Variants in ZC3H12D observed in about 807,000 individuals in gnomAD.
The protein encoded by ZC3H12D is probable ribonuclease ZC3H12D.
Under a neutral mutation model 24.2 loss-of-function variants are expected in ZC3H12D, and 11 were observed. The ratio of observed to expected loss-of-function variants is 0.46; its 90% CI spans 0.29 to 0.75. The LOEUF (loss-of-function observed/expected upper bound fraction) is 0.75, where lower values mean the gene tolerates loss of function less well. ZC3H12D is among the 30% of genes least tolerant of loss of function. The pLI, the probability that ZC3H12D is intolerant of heterozygous loss-of-function variation, is 0.11. For missense variants in ZC3H12D, 740 were observed against 767.7 expected, an observed-to-expected ratio of 0.96 and a Z score of 0.43; for synonymous variants, 333 against 341.8, an observed-to-expected ratio of 0.97 and a Z score of 0.28.
rs143099780 is a variant in ZC3H12D at position 149,471,912 on chromosome 6, C to A, written c.305+2327G>T. On this transcript the variant is annotated intron_variant, in intron 2 of 5. Transcript: ENST00000409806. The stretch of plus-strand genomic sequence containing the variant: ...CCGCAAGGCCAGACAGTGCATGAAG[C>A]AGTACTGCCTTCAAAAACAGAAAAT... Among the ~76,000 whole-genome samples the A allele has an allele frequency of 1.6e-4, 24 of 152,366 alleles. No homozygotes were observed. In the East Asian group the frequency reaches 4.6e-3, roughly 29 times the overall value.
intron 1 of ZC3H12D, among the ~76,000 whole-genome samples, chr6:149,480,895 C>G (rs936585712): frequency 5.3e-5 from 8 of 151,884 alleles, no homozygotes; most frequent in Non-Finnish European, 1.0e-4. Context: ...CACTCCACGC[C>G]ATCATCACAG....
At chr6:149,483,962 T>C (rs1776463059) in intron 1 of ZC3H12D, among the ~76,000 whole-genome samples, 1 of 152,228 alleles carries the variant, frequency 6.6e-6, no homozygotes, top group South Asian at 2.1e-4. Context: ...TCTGGGCCTC[T>C]GTGAACGATG....
At chr6:149,480,875 G>A (rs536343724) in intron 1 of ZC3H12D, among the ~76,000 whole-genome samples, 1 of 148,892 alleles carries the variant, frequency 6.7e-6, no homozygotes, top group South Asian at 2.6e-4. Context: ...TGCGAAGAAG[G>A]GCCGTGTCAC....
chr6:149,450,515 A>G lies in ZC3H12D; in HGVS notation c.*168T>C. 2 of 693,812 alleles carry G rather than the reference A, an allele frequency of 2.9e-6. No homozygotes were observed. Among genetic ancestry groups the G allele is most frequent in the Non-Finnish European group, 4.5e-6 (2 of 442,794 alleles). The allele number at this position is 693,812 out of a possible 1,614,324, so 43.0% of individuals were successfully genotyped here. ...TCAGTGAGGATCACCAAGTGCCACCAGGCCCCCACAACCCCGCTCAGGAGG... is the reference window on the plus strand; with the variant it reads ...TCAGTGAGGATCACCAAGTGCCACCGGGCCCCCACAACCCCGCTCAGGAGG... On this transcript the variant is annotated 3_prime_UTR_variant, in exon 6 of 6. Transcript: ENST00000409806.
Position 149,452,428 on chromosome 6 carries a change from C to T in ZC3H12D, c.787+188G>A, listed in dbSNP as rs1326905299. 2.2e-5 allele frequency: 11 copies of T among 489,044 alleles called. No individual in the cohort carries two copies. Among genetic ancestry groups the T allele is most frequent in the Non-Finnish European group, 3.9e-5 (11 of 284,566 alleles). 30.3% of individuals were successfully genotyped at this position (489,044 alleles called of 1,614,324 possible). On this transcript the variant is annotated intron_variant, in intron 5 of 5. Coordinates refer to ENST00000409806, the MANE Select transcript of ZC3H12D (RefSeq NM_207360.3). The surrounding 1 kb of genome is among the most constrained non-coding windows in gnomAD (Gnocchi z 4.0). ...GGGATCCTGGCTCCCATGAAATCACCGGCCAGGATGTCAGTTCTACAATAA... is the reference window on the plus strand; with the variant it reads ...GGGATCCTGGCTCCCATGAAATCACTGGCCAGGATGTCAGTTCTACAATAA...
At chr6:149,465,353 C>T (rs76001882) in intron 2 of ZC3H12D, among the ~76,000 whole-genome samples, 1 of 126,058 alleles carries the variant, frequency 7.9e-6, no homozygotes, top group Non-Finnish European at 1.7e-5. Flanking sequence ...GACTCTGTCT[C>T]AAAAAAAAAA....
chr6:149,463,232 G>A (rs564883257), intron 2 of ZC3H12D, among the ~76,000 whole-genome samples: 2 of 152,156 alleles, frequency 1.3e-5, no homozygotes, highest in South Asian at 4.1e-4. Context: ...AAGCAAGGAG[G>A]GCAATGCCCT....
In ZC3H12D at chr6:149,456,904, A is replaced by G; in HGVS notation, c.446-4T>C. The G allele has an allele frequency of 1.3e-6, 2 of 1,593,276 alleles. No homozygotes were observed. Among genetic ancestry groups the G allele is most frequent in the Non-Finnish European group, 1.7e-6 (2 of 1,173,310 alleles). On this transcript the variant is annotated splice_region_variant and splice_polypyrimidine_tract_variant and intron_variant, in intron 3 of 5. Coordinates refer to ENST00000409806, the MANE Select transcript of ZC3H12D (RefSeq NM_207360.3). This position sits in a 1 kb window ranked among gnomAD's most constrained non-coding sequence, Gnocchi z 4.3. ...AGCTCCGCCAGCACGTGCTGCTCTG[A>G]GGGCGGGGCGACGGAGACGCGGGTG...
rs956560408 is a variant in ZC3H12D, at chr6:149,452,366, T to C, written c.787+250A>G. 3.4e-5 allele frequency: 14 copies of C among 414,176 alleles called. No individual in the cohort carries two copies. The highest frequency in any genetic ancestry group is 4.7e-5 in the Non-Finnish European group (11 of 234,572). The allele number at this position is 414,176 out of a possible 1,614,324, so 25.7% of individuals were successfully genotyped here. A position where few individuals can be genotyped will look rare whatever the true frequency, so the allele number is the denominator to read the frequency against. ...GGCTCCCGGCTTCTCAGACACAGCT[T>C]TGCTGTGTGCATGACCCCTGCATCC... On this transcript the variant is annotated intron_variant, in intron 5 of 5. Coordinates refer to ENST00000409806, the MANE Select transcript of ZC3H12D (RefSeq NM_207360.3). The surrounding 1 kb of genome is among the most constrained non-coding windows in gnomAD (Gnocchi z 4.0).
intron 2 of ZC3H12D, among the ~76,000 whole-genome samples, chr6:149,462,708 G>C (rs959636964): frequency 2.6e-5 from 4 of 152,206 alleles, no homozygotes; most frequent in African/African-American, 9.6e-5. Flanking sequence ...AACAAAACAG[G>C]CAGAAGAAAG....
chr6:149,470,457 C>T (rs1208275964), intron 2 of ZC3H12D, among the ~76,000 whole-genome samples: 1 of 151,960 alleles, frequency 6.6e-6, no homozygotes, highest in Non-Finnish European at 1.5e-5. Context: ...ATCAACTGAA[C>T]CCGGGAAGTG....
chr6:149,455,954 T>A lies in ZC3H12D; in HGVS notation c.680+712A>T, dbSNP rs1247486542. 3.1e-3 allele frequency among the ~76,000 whole-genome samples: 439 copies of A among 141,918 alleles called. 3 individuals are homozygous for A. Among genetic ancestry groups the A allele is most frequent in the African/African-American group, 0.011 (409 of 38,488 alleles). The allele number at this position is 141,918 out of a possible 152,430, so 93.1% of individuals were successfully genotyped here. On this transcript the variant is annotated intron_variant, in intron 4 of 5. Transcript: ENST00000409806. ...CCATATGTAATTCAAAATTTTGATT[T>A]AAAAAAAAAAAAAAGACAGCCAGGC...
intron 2 of ZC3H12D, among the ~76,000 whole-genome samples, chr6:149,471,769 A>G (rs997499630): frequency 6.6e-6 from 1 of 152,244 alleles, no homozygotes; most frequent in Admixed American, 6.5e-5. Context: ...CAGGGGACAG[A>G]GCCACAGCCA....
At chr6:149,458,551 G>T (rs1404012429) in intron 3 of ZC3H12D, among the ~76,000 whole-genome samples, 1 of 152,160 alleles carries the variant, frequency 6.6e-6, no homozygotes, top group Non-Finnish European at 1.5e-5. Context: ...GTTTGGTTGT[G>T]CCATATGTTC....
At chr6:149,454,263 T>C (rs1387859835) in intron 4 of ZC3H12D, among the ~76,000 whole-genome samples, 1 of 152,258 alleles carries the variant, frequency 6.6e-6, no homozygotes, top group East Asian at 1.9e-4. Context: ...CGCCCCTCGC[T>C]GAGTGAGGTC....
intron 2 of ZC3H12D, among the ~76,000 whole-genome samples, chr6:149,464,543 C>A (rs1347277256): frequency 6.6e-6 from 1 of 152,206 alleles, no homozygotes; most frequent in Non-Finnish European, 1.5e-5. Context: ...TCTCACTGCA[C>A]CCTCCCGCTC....
At chr6:149,480,785 T>C (rs1013283921) in intron 1 of ZC3H12D, among the ~76,000 whole-genome samples, 7 of 152,024 alleles carry the variant, frequency 4.6e-5, no homozygotes, top group African/African-American at 1.7e-4. Context: ...AGGTCTTATC[T>C]TCCTTGGAGG....
chr6:149,456,867 G>T lies in ZC3H12D; in HGVS notation c.479C>A (p.Ala160Glu). 6.2e-7 allele frequency: 1 copy of T among 1,604,382 alleles called. No homozygotes were observed. Among genetic ancestry groups the T allele is most frequent in the Non-Finnish European group, 8.5e-7 (1 of 1,179,074 alleles). Residue 160 changes from alanine to glutamate, a missense_variant, in exon 4 of 6, where the codon GCG becomes GAG. Transcript: ENST00000409806. The surrounding 1 kb of genome is among the most constrained non-coding windows in gnomAD (Gnocchi z 4.3). ...QHVLAELERQ[A>E]VLVYTPSRKV... ...GCGGGACGGCGTGTACACCAGCACC[G>T]CCTGCCGCTCCAGCTCCGCCAGCAC...
chr6:149,479,790 A>C (rs1429061874), intron 1 of ZC3H12D, among the ~76,000 whole-genome samples: 1 of 152,126 alleles, frequency 6.6e-6, no homozygotes, highest in Non-Finnish European at 1.5e-5. Context: ...CTCCCACCTT[A>C]GCCTACTAAG....
Sources: gnomAD v4.1 joint callset for allele counts (sites outside exome capture counted in the v4.1 genomes callset) on GRCh38, gnomAD v4.1.1 for gene constraint, Gnocchi (gnomAD v3.1) non-coding constraint, MANE v1.5 for transcripts, NCBI Gene and HGNC (gene_info 2026-07-23, HGNC 2026-07-21) for gene names.